KALRN: variants seen among roughly 807,000 people sequenced by gnomAD.
KALRN encodes kalirin.
KALRN carries 70 observed loss-of-function variants against 353.7 expected under a neutral mutation model. The observed-to-expected ratio is 0.20, with a 90% confidence interval of 0.16 to 0.24. The LOEUF (loss-of-function observed/expected upper bound fraction) is 0.24. KALRN is among the 10% of genes least tolerant of loss of function. The pLI is 1.00. For synonymous variants in KALRN, 1,391 were observed against 1,434.8 expected (o/e 0.97, Z 0.69); for missense variants, 2,791 against 3,756.7 (o/e 0.74, Z 6.72).
At chr3:124,299,440 G>A in intron 6 of KALRN, among the ~76,000 whole-genome samples, 1 of 152,186 alleles carries the variant, frequency 6.6e-6, no homozygotes, top group East Asian at 1.9e-4. Flanking sequence ...ATGTTCAGGG[G>A]ATGGCAGTTT....
Position 124,722,768 on chromosome 3 carries a change from T to C in KALRN, c.*3298T>C, listed in dbSNP as rs2063375326. On this transcript the variant is annotated 3_prime_UTR_variant, in exon 60 of 60. Transcript: ENST00000682506. ...TGGTCCATTTCTATCATTATGATGG[T>C]AGTTCACAGTGGGAGTGAACTTTCA... is the stretch of plus-strand genomic sequence containing the variant. 6.6e-6 allele frequency: 1 copy of C among 152,188 alleles called. No individual in the cohort carries two copies. The highest frequency in any genetic ancestry group is 1.5e-5 in the Non-Finnish European group (1 of 68,014). The allele number at this position is 152,188 out of a possible 1,614,324, so 9.4% of individuals were successfully genotyped here. A position where few individuals can be genotyped will look rare whatever the true frequency, so the allele number is the denominator to read the frequency against.
At chr3:124,291,662 G>A (rs114407131) in intron 5 of KALRN, among the ~76,000 whole-genome samples, 365 of 152,288 alleles carry the variant, frequency 2.4e-3, no homozygotes, top group Non-Finnish European at 4.1e-3. Context: ...TAGGGGATCC[G>A]TAGCATGTTT....
chr3:124,495,460 G>T (rs1479623406), intron 32 of KALRN, among the ~76,000 whole-genome samples: 2 of 152,036 alleles, frequency 1.3e-5, no homozygotes, highest in African/African-American at 2.4e-5. Flanking sequence ...TCTTGGCCGG[G>T]TGCAGTGGCT....
chr3:124,579,841 C>T (rs1008730775), intron 34 of KALRN, among the ~76,000 whole-genome samples: 7 of 152,038 alleles, frequency 4.6e-5, no homozygotes, highest in East Asian at 3.9e-4. Flanking sequence ...TGCATAAACT[C>T]GAGTCATGTG....
Position 124,185,479 on chromosome 3 carries a change from C to T in KALRN, c.74-42511C>T, listed in dbSNP as rs149890016. ...TTCCCTGCTACCTTTGTCTTTCTCT[C>T]GGAGCTCTAATTAAAGCTGTGATTG... is the stretch of plus-strand genomic sequence containing the variant. On this transcript the variant is annotated intron_variant, in intron 1 of 59. Transcript: ENST00000682506. Among the ~76,000 whole-genome samples the T allele has an allele frequency of 5.4e-3, 829 of 152,304 alleles. 8 individuals are homozygous for T. The highest frequency in any genetic ancestry group is 8.9e-3 in the Non-Finnish European group (606 of 68,026).
chr3:124,491,423 A>G lies in KALRN; in HGVS notation c.4688A>G (p.Lys1563Arg). ...TPSSDNKTVLKASNIETKQEW... is the reference protein window; with the variant it reads ...TPSSDNKTVLRASNIETKQEW... Reference sequence around the variant, plus strand: ...TCCTCAGACAATAAAACAGTGCTGAAAGTAAGTACTGCTCTCTGCTAGGCA... The same window carrying G: ...TCCTCAGACAATAAAACAGTGCTGAGAGTAAGTACTGCTCTCTGCTAGGCA... Residue 1563 changes from lysine (K) to arginine (R), a missense_variant and splice_region_variant, in exon 31 of 60, where the codon AAA becomes AGA. Lys to Arg is a conservative substitution (Grantham distance 26). This residue lies in a region of KALRN where 239 missense variants were observed against 351.3 expected (regional missense o/e 0.68). Coordinates refer to ENST00000682506, the MANE Select transcript of KALRN (RefSeq NM_001388419.1). 2 of 1,594,822 alleles carry G rather than the reference A, an allele frequency of 1.3e-6. No individual in the cohort carries two copies. Among genetic ancestry groups the G allele is most frequent in the Non-Finnish European group, 1.7e-6 (2 of 1,169,660 alleles).
intron 33 of KALRN, among the ~76,000 whole-genome samples, chr3:124,508,620 A>G (rs1187210109): frequency 6.6e-6 from 1 of 152,342 alleles, no homozygotes; most frequent in South Asian, 2.1e-4. Flanking sequence ...ATATTCTGGT[A>G]TACATACCCC....
intron 34 of KALRN, among the ~76,000 whole-genome samples, chr3:124,589,539 A>C (rs1368179198): frequency 6.6e-6 from 1 of 152,156 alleles, no homozygotes; most frequent in African/African-American, 2.4e-5. Flanking sequence ...TTTGCAGTGA[A>C]CTATGATGGC....
intron 33 of KALRN, among the ~76,000 whole-genome samples, chr3:124,553,958 C>T (rs530552445): frequency 1.3e-5 from 2 of 152,372 alleles, no homozygotes; most frequent in Admixed American, 1.3e-4. Flanking sequence ...CTACTACTGC[C>T]TCTTCTTTCC....
At chr3:124,277,758 C>A (rs1000628200) in intron 5 of KALRN, among the ~76,000 whole-genome samples, 1 of 152,184 alleles carries the variant, frequency 6.6e-6, no homozygotes. Flanking sequence ...CTCCCTTCCA[C>A]GGTTCTCTCA....
intron 47 of KALRN, among the ~76,000 whole-genome samples, chr3:124,670,283 C>T (rs2086239730): frequency 6.6e-6 from 1 of 152,220 alleles, no homozygotes; most frequent in Admixed American, 6.5e-5. Context: ...TGCACCTGGC[C>T]CTTCCCATAT....
intron 34 of KALRN, among the ~76,000 whole-genome samples, chr3:124,607,408 C>T (rs1205562165): frequency 6.6e-6 from 1 of 152,160 alleles, no homozygotes; most frequent in East Asian, 1.9e-4. Context: ...TTCTAGGTAG[C>T]AGAGTAGAAT....
At chr3:124,196,646 C>CAT (rs1378870106) in intron 1 of KALRN, among the ~76,000 whole-genome samples, 1 of 152,128 alleles carries the variant, frequency 6.6e-6, no homozygotes, top group African/African-American at 2.4e-5. Context: ...TACATACACA[C>CAT]ATATATATGA....
At chr3:124,431,640 A>G (rs928217396) in intron 16 of KALRN, among the ~76,000 whole-genome samples, 8 of 152,216 alleles carry the variant, frequency 5.3e-5, no homozygotes, top group African/African-American at 1.7e-4. Flanking sequence ...ATGGTTCAGT[A>G]TAGAATTCAA....
intron 51 of KALRN, among the ~76,000 whole-genome samples, chr3:124,684,033 A>G (rs2061450794): frequency 6.6e-6 from 1 of 152,200 alleles, no homozygotes; most frequent in Non-Finnish European, 1.5e-5. Flanking sequence ...GTCCCTTCAC[A>G]ATGTTATACC....
intron 5 of KALRN, among the ~76,000 whole-genome samples, chr3:124,294,520 C>CTTTTGTT (rs2076686767): frequency 1.4e-5 from 1 of 73,894 alleles, no homozygotes; most frequent in Non-Finnish European, 2.4e-5. Flanking sequence ...AGATTCTCTT[C>CTTTTGTT]TTTTTTTTTT....
chr3:124,495,957 G>GTATA (rs201949824), intron 32 of KALRN, among the ~76,000 whole-genome samples: 2,819 of 44,188 alleles, frequency 0.064, 357 homozygotes, highest in Middle Eastern at 0.13. Context: ...GTGTGTATGT[G>GTATA]TATGTATGTA....
At chr3:124,484,647 A>G (rs1695409703) in intron 28 of KALRN, among the ~76,000 whole-genome samples, 1 of 152,024 alleles carries the variant, frequency 6.6e-6, no homozygotes, top group South Asian at 2.1e-4. Context: ...AAATGGGTAT[A>G]CGTTCTATCT....
In KALRN at chr3:124,694,481, GCC is replaced by G; in HGVS notation, c.7556_7557del (p.Ala2519AspfsTer8). ...QNILDTDNSSATYTVSSCDSG... is the reference protein window; with the variant it reads ...QNILDTDNSSXTYTVSSCDSG... ...CATCCTTGACACTGATAACAGCTCA[GCC>G]ACATACACGGTCTCCTCTTGGTAAG... On this transcript the variant is annotated frameshift_variant, in exon 53 of 60. Transcript: ENST00000682506. LOFTEE classifies it high-confidence loss of function. 6.2e-7 allele frequency: 1 copy of G among 1,614,032 alleles called. No homozygotes were observed. The highest frequency in any genetic ancestry group is 2.2e-5 in the East Asian group (1 of 44,890).
Sources: allele counts gnomAD v4.1 joint callset (sites outside exome capture counted in the v4.1 genomes callset), GRCh38; gene constraint gnomAD v4.1.1; regional missense constraint gnomAD v4.1.1; transcripts MANE v1.5; gene names NCBI Gene and HGNC (gene_info 2026-07-23, HGNC 2026-07-21).